LGI1: variants seen among roughly 807,000 people sequenced by gnomAD.
LGI1 encodes the protein leucine rich glioma inactivated 1.
LGI1 carries 11 observed loss-of-function variants against 57.7 expected under a neutral mutation model. That is an observed-to-expected ratio of 0.19 (90% CI 0.12 to 0.32). The LOEUF (loss-of-function observed/expected upper bound fraction) is 0.32. Among genes scored for constraint, LGI1 ranks in the 10% least tolerant of loss-of-function variants. The pLI, the probability that LGI1 is intolerant of heterozygous loss-of-function variation, is 1.00. For missense variants in LGI1, 422 were observed against 661.9 expected (o/e 0.64, Z 3.98); for synonymous variants, 222 against 241.9 (o/e 0.92, Z 0.76).
At chr10:93,767,268 A>G (rs2059689436) in intron 2 of LGI1, 1 of 152,172 alleles carries the variant, frequency 6.6e-6, no homozygotes, top group Non-Finnish European at 1.5e-5. Context: ...AAAAAGCAAA[A>G]GAAAAAGGCC....
chr10:93,758,605 T>C lies in LGI1; in HGVS notation c.216-155T>C. The C allele has an allele frequency of 2.9e-6, 2 of 700,032 alleles. No homozygotes were observed. The highest frequency in any genetic ancestry group is 1.7e-5 in the South Asian group (1 of 59,684). The allele number at this position is 700,032 out of a possible 1,614,324, so 43.4% of individuals were successfully genotyped here. A position where few individuals can be genotyped will look rare whatever the true frequency, so the allele number is the denominator to read the frequency against. On this transcript the variant is annotated intron_variant, in intron 1 of 7. Transcript: ENST00000371418. The surrounding 1 kb of genome is among the most constrained non-coding windows in gnomAD (Gnocchi z 4.7). ...AAACCTGTAGCCGATTCATTTCTCT[T>C]ACTTCATCTGGGAAGGAATAGTATC...
At chr10:93,792,607 C>T in intron 5 of LGI1, 136 bp from the exon 6 acceptor site, 1 of 844,464 alleles carries the variant, frequency 1.2e-6, no homozygotes, top group Non-Finnish European at 2.0e-6. Flanking sequence ...AGTGGTCAGT[C>T]AGGTTCCAGG....
At position 93,798,049 on chromosome 10, in the gene LGI1, G is replaced by A. The variant is rs968128475; in HGVS notation, c.*246G>A. 6.6e-5 allele frequency: 36 copies of A among 543,358 alleles called. No individual in the cohort carries two copies. The highest frequency in any genetic ancestry group is 1.6e-4 in the East Asian group (5 of 31,732). 33.7% of individuals were successfully genotyped at this position (543,358 alleles called of 1,614,324 possible). Reference sequence around the variant, plus strand: ...TTGCAGTGAAGATGTGTAAATAAGCGTTTAATGGTATCTGTTACTCCAAAA... The same window carrying A: ...TTGCAGTGAAGATGTGTAAATAAGCATTTAATGGTATCTGTTACTCCAAAA... On this transcript the variant is annotated 3_prime_UTR_variant, in exon 8 of 8. Coordinates refer to ENST00000371418, the MANE Select transcript of LGI1 (RefSeq NM_005097.4).
Position 93,760,770 on chromosome 10 carries a change from G to A in LGI1, c.287+1939G>A, listed in dbSNP as rs757514964. Among the ~76,000 whole-genome samples the A allele has an allele frequency of 2.0e-5, 3 of 152,344 alleles. No homozygotes were observed. In the East Asian group the frequency reaches 5.8e-4, roughly 29 times the overall value. ...GGACTGGTTTTTAAATAGCCCAACC[G>A]AGTGTGTGCCATGCCCGTGCCCCAT... On this transcript the variant is annotated intron_variant, in intron 2 of 7. Coordinates refer to ENST00000371418, the MANE Select transcript of LGI1 (RefSeq NM_005097.4).
intron 2 of LGI1, chr10:93,763,389 C>T (rs1331643654): frequency 2.0e-5 from 3 of 152,264 alleles, no homozygotes; most frequent in African/African-American, 7.2e-5. Flanking sequence ...TTACTGATGT[C>T]TGGCACTGTG....
intron 4 of LGI1, among the ~76,000 whole-genome samples, chr10:93,783,332 C>G (rs970051056): frequency 6.6e-6 from 1 of 152,100 alleles, no homozygotes; most frequent in African/African-American, 2.4e-5. Context: ...GCCGAGATCG[C>G]GCCACTGCAC....
chr10:93,770,794 A>T (rs944294025), intron 2 of LGI1: 17 of 151,902 alleles, frequency 1.1e-4, no homozygotes, highest in Admixed American at 9.8e-4. Flanking sequence ...GCTTTTTTTT[A>T]AAAAAAACAA....
intron 2 of LGI1, chr10:93,772,639 A>G (rs2133994423): frequency 6.6e-6 from 1 of 152,318 alleles, no homozygotes; most frequent in Non-Finnish European, 1.5e-5. Context: ...ACATATGTGT[A>G]TATATCATAT....
At position 93,777,456 on chromosome 10, in the gene LGI1, T is replaced by TA. The variant is rs1782149655; in HGVS notation, c.359+12dup. The TA allele has an allele frequency of 6.2e-6, 10 of 1,613,416 alleles. No homozygotes were observed. The East Asian group carries it at 2.2e-4, about 36-fold the overall frequency. ...CTTCCACATCTAGAGTATTTGTAAG[T>TA]AAAAAAGCTTTTTTAAAACATGATG... On this transcript the variant is annotated splice_region_variant and intron_variant, in intron 3 of 7. Transcript: ENST00000371418.
chr10:93,776,003 G>A lies in LGI1; in HGVS notation c.288-1376G>A, dbSNP rs755895335. On this transcript the variant is annotated intron_variant, in intron 2 of 7. Coordinates refer to ENST00000371418, the MANE Select transcript of LGI1 (RefSeq NM_005097.4). ...TCTTCTTGTTTTCCAGAGCCATGAA[G>A]TGAGAAGAGACACAATTGCCAAAGC... 60 of 152,196 alleles carry A rather than the reference G, an allele frequency of 3.9e-4. 1 individual carries two copies. The highest frequency in any genetic ancestry group is 1.2e-3 in the Admixed American group (18 of 15,268). 9.4% of individuals were successfully genotyped at this position (152,196 alleles called of 1,614,324 possible). A position where few individuals can be genotyped will look rare whatever the true frequency, so the allele number is the denominator to read the frequency against.
At chr10:93,761,261 T>G (rs1240248094) in intron 2 of LGI1, among the ~76,000 whole-genome samples, 1 of 152,148 alleles carries the variant, frequency 6.6e-6, no homozygotes, top group East Asian at 1.9e-4. Flanking sequence ...ACCAATGGCA[T>G]TGGACCACCA....
At chr10:93,765,320 T>G (rs900011824) in intron 2 of LGI1, 3 of 152,158 alleles carry the variant, frequency 2.0e-5, no homozygotes, top group Admixed American at 6.5e-5. Flanking sequence ...ACTCAAATGC[T>G]AGTGGGGTTT....
intron 2 of LGI1, chr10:93,763,464 A>G (rs10450368): frequency 0.73 from 110,843 of 152,178 alleles, 40,607 homozygotes; most frequent in East Asian, 0.94. Flanking sequence ...TCACCAATAA[A>G]CTGTGGTCCC....
chr10:93,787,570 TA>T (rs1269205612), intron 4 of LGI1, among the ~76,000 whole-genome samples: 2 of 152,186 alleles, frequency 1.3e-5, no homozygotes, highest in African/African-American at 4.8e-5. Flanking sequence ...CCTAAAGCTC[TA>T]CTCCTTTGGG....
intron 2 of LGI1, chr10:93,771,698 C>T (rs1022027042): frequency 3.3e-5 from 5 of 152,150 alleles, no homozygotes; most frequent in African/African-American, 1.2e-4. Flanking sequence ...AAAGGCAGGC[C>T]AGGCGCGCTG....
At chr10:93,791,440 T>G (rs574457018) in intron 5 of LGI1, 2 of 152,292 alleles carry the variant, frequency 1.3e-5, no homozygotes, top group African/African-American at 4.8e-5. Context: ...CAAAAAAATA[T>G]TGAAATTGGC....
chr10:93,759,739 T>C (rs2059604108), intron 2 of LGI1, among the ~76,000 whole-genome samples: 1 of 152,196 alleles, frequency 6.6e-6, no homozygotes, highest in Non-Finnish European at 1.5e-5. Flanking sequence ...GCCTTTCACT[T>C]GTTTGTTTTT....
At chr10:93,773,919 C>T (rs2059766104) in intron 2 of LGI1, among the ~76,000 whole-genome samples, 1 of 152,206 alleles carries the variant, frequency 6.6e-6, no homozygotes, top group Non-Finnish European at 1.5e-5. Context: ...CTACAGGGTC[C>T]AGATCTCTGA....
chr10:93,787,903 TC>T (rs1350088082), intron 4 of LGI1, among the ~76,000 whole-genome samples: 2 of 61,368 alleles, frequency 3.3e-5, no homozygotes, highest in Non-Finnish European at 8.2e-5. Flanking sequence ...TGAGACCCTG[TC>T]TCAAAAAAAA....
Sources: allele counts gnomAD v4.1 joint callset (sites outside exome capture counted in the v4.1 genomes callset), GRCh38; gene constraint gnomAD v4.1.1; non-coding constraint Gnocchi (gnomAD v3.1); transcripts MANE v1.5; gene names NCBI Gene and HGNC (gene_info 2026-07-23, HGNC 2026-07-21).